Variants in NCKAP5 observed in about 807,000 individuals in gnomAD.
NCKAP5 encodes the protein NCK associated protein 5.
Under a neutral mutation model 167.0 loss-of-function variants are expected in NCKAP5, and 92 were observed. The ratio of observed to expected loss-of-function variants is 0.55; its 90% CI spans 0.47 to 0.66. The LOEUF (loss-of-function observed/expected upper bound fraction) is 0.66. Among genes scored for constraint, NCKAP5 ranks in the 30% least tolerant of loss-of-function variants. NCKAP5 has a pLI of 0.00. For missense variants in NCKAP5, 2,378 were observed against 2,315.0 expected (o/e 1.03, Z -0.56); for synonymous variants, 891 against 877.4 (o/e 1.02, Z -0.27).
At chr2:133,235,024 A>T (rs748924262) in intron 4 of NCKAP5, among the ~76,000 whole-genome samples, 2 of 150,344 alleles carry the variant, frequency 1.3e-5, no homozygotes, top group Non-Finnish European at 3.0e-5. Flanking sequence ...TACATCCTCA[A>T]TGCACGTTAG....
intron 16 of NCKAP5, among the ~76,000 whole-genome samples, chr2:132,749,914 T>C (rs796766099): frequency 1.4e-4 from 21 of 152,258 alleles, no homozygotes; most frequent in African/African-American, 4.8e-4. Context: ...TCACTTTACA[T>C]TTAAACTATG....
the NCKAP5 span, among the ~76,000 whole-genome samples, chr2:133,598,150 GGATGGTAA>G: frequency 6.6e-6 from 1 of 152,198 alleles, no homozygotes; most frequent in South Asian, 2.1e-4. Flanking sequence ...CCTGTAATGA[GGATGGTAA>G]GAGTGCCTAG....
chr2:133,455,459 G>T (rs1057390881), intron 3 of NCKAP5, among the ~76,000 whole-genome samples: 1 of 151,894 alleles, frequency 6.6e-6, no homozygotes, highest in Non-Finnish European at 1.5e-5. Flanking sequence ...CTGGGCCCTA[G>T]ATATATATAT....
At chr2:133,426,299 A>C (rs968507285) in intron 3 of NCKAP5, among the ~76,000 whole-genome samples, 1 of 152,108 alleles carries the variant, frequency 6.6e-6, no homozygotes, top group African/African-American at 2.4e-5. Context: ...ATTTAGACAT[A>C]AATACAACAA....
intron 8 of NCKAP5, among the ~76,000 whole-genome samples, chr2:132,938,770 G>C (rs1697047347): frequency 6.6e-6 from 1 of 152,122 alleles, no homozygotes. Flanking sequence ...GAGAAAGAAG[G>C]GGGAGAGAGG....
intron 4 of NCKAP5, among the ~76,000 whole-genome samples, chr2:133,246,950 C>T (rs2088030997): frequency 6.6e-6 from 1 of 152,178 alleles, no homozygotes; most frequent in African/African-American, 2.4e-5. Context: ...AGAAGTTACT[C>T]AATCCAGCAT....
chr2:133,285,914 C>T (rs1235136110), intron 4 of NCKAP5, among the ~76,000 whole-genome samples: 1 of 152,052 alleles, frequency 6.6e-6, no homozygotes, highest in African/African-American at 2.4e-5. Flanking sequence ...TCACGTCCTT[C>T]CTTTTGAAAG....
At chr2:133,044,228 G>A (rs2079311771) in intron 6 of NCKAP5, among the ~76,000 whole-genome samples, 1 of 152,210 alleles carries the variant, frequency 6.6e-6, no homozygotes, top group African/African-American at 2.4e-5. Flanking sequence ...AATAGCAAAG[G>A]AAAAGTCTGA....
chr2:132,766,278 C>CAAAAAAAAAAAAA (rs70973405), intron 16 of NCKAP5, among the ~76,000 whole-genome samples: 1 of 38,406 alleles, frequency 2.6e-5, no homozygotes, highest in Admixed American at 3.9e-4. Context: ...GATTCTGTCT[C>CAAAAAAAAAAAAA]AAAAAAAAAA....
intron 3 of NCKAP5, among the ~76,000 whole-genome samples, chr2:133,463,328 GC>G (rs1692319853): frequency 6.6e-6 from 1 of 152,178 alleles, no homozygotes; most frequent in Admixed American, 6.5e-5. Context: ...GCATATTGTA[GC>G]AAATGAAGAA....
At chr2:133,489,700 C>G (rs913035707) in intron 3 of NCKAP5, among the ~76,000 whole-genome samples, 10 of 152,150 alleles carry the variant, frequency 6.6e-5, no homozygotes, top group African/African-American at 2.4e-4. Context: ...CAATACAATA[C>G]ATGAGAGTTC....
At chr2:132,863,448 TAAAA>T (rs58404202) in intron 10 of NCKAP5, among the ~76,000 whole-genome samples, 8 of 127,782 alleles carry the variant, frequency 6.3e-5, no homozygotes, top group African/African-American at 8.3e-5. Context: ...TTCAGATGGG[TAAAA>T]AAAAAAAAAA....
At chr2:133,451,101 G>A (rs1691522204) in intron 3 of NCKAP5, among the ~76,000 whole-genome samples, 1 of 152,076 alleles carries the variant, frequency 6.6e-6, no homozygotes, top group African/African-American at 2.4e-5. Context: ...GATTAGAGTT[G>A]GTTCTAATCC....
At chr2:132,960,038 G>C (rs1426063100) in intron 8 of NCKAP5, among the ~76,000 whole-genome samples, 1 of 152,156 alleles carries the variant, frequency 6.6e-6, no homozygotes, top group Non-Finnish European at 1.5e-5. Flanking sequence ...GGGAAGCAGT[G>C]GCTGGGTAGT....
chr2:133,052,176 T>C (rs1316240062), intron 6 of NCKAP5, among the ~76,000 whole-genome samples: 1 of 152,190 alleles, frequency 6.6e-6, no homozygotes, highest in African/African-American at 2.4e-5. Context: ...TTTTCATCAA[T>C]GACAAAATAA....
the NCKAP5 span, among the ~76,000 whole-genome samples, chr2:133,652,972 G>A: frequency 7.9e-5 from 12 of 152,164 alleles, no homozygotes; most frequent in Non-Finnish European, 1.5e-4. Flanking sequence ...GGGAAATGAT[G>A]CAGATGAACA....
chr2:133,000,443 A>G (rs531502335), intron 6 of NCKAP5, among the ~76,000 whole-genome samples: 1 of 152,182 alleles, frequency 6.6e-6, no homozygotes, highest in African/African-American at 2.4e-5. Flanking sequence ...AATGGCAACA[A>G]AGAGGACCAG....
At chr2:133,635,560 C>T in the NCKAP5 span, among the ~76,000 whole-genome samples, 1 of 152,200 alleles carries the variant, frequency 6.6e-6, no homozygotes, top group African/African-American at 2.4e-5. Context: ...ACTGCCTATG[C>T]AGCTCTAGCA....
intron 3 of NCKAP5, among the ~76,000 whole-genome samples, chr2:133,469,942 T>G (rs1317437714): frequency 1.3e-5 from 2 of 151,130 alleles, no homozygotes; most frequent in Non-Finnish European, 2.9e-5. Context: ...TCAACTTCTT[T>G]GCCTTTGGTT....
Sources: gnomAD v4.1 joint callset for allele counts (sites outside exome capture counted in the v4.1 genomes callset) on GRCh38, gnomAD v4.1.1 for gene constraint, MANE v1.5 for transcripts, NCBI Gene and HGNC (gene_info 2026-07-23, HGNC 2026-07-21) for gene names.